PLAGL1: variants seen among roughly 807,000 people sequenced by gnomAD.
PLAGL1 encodes the protein zinc finger protein PLAGL1.
Under a neutral mutation model 4.6 loss-of-function variants are expected in PLAGL1, and 1 was observed. The ratio of observed to expected loss-of-function variants is 0.22; its 90% CI spans 0.08 to 1.03. PLAGL1 has a LOEUF of 1.03. Among genes scored for constraint, PLAGL1 ranks in the 50% least tolerant of loss-of-function variants. The pLI, the probability that PLAGL1 is intolerant of heterozygous loss-of-function variation, is 0.58. For missense variants in PLAGL1, 464 were observed against 570.4 expected, an observed-to-expected ratio of 0.81 and a Z score of 1.90; for synonymous variants, 240 against 237.8, an observed-to-expected ratio of 1.01 and a Z score of -0.08.
intron 1 of PLAGL1, among the ~76,000 whole-genome samples, chr6:144,017,856 C>T (rs1325809949): frequency 6.6e-6 from 1 of 152,206 alleles, no homozygotes; most frequent in African/African-American, 2.4e-5. Flanking sequence ...CACTCTCTCA[C>T]TCACAGGATG....
rs1784234808 is a variant in PLAGL1, at chr6:143,965,404, C to T, written c.-430-586G>A. On this transcript the variant is annotated intron_variant, in intron 4 of 7. Transcript: ENST00000674357. This position sits in a 1 kb window ranked among gnomAD's most constrained non-coding sequence, Gnocchi z 7.5. ...CTGAGAGCTCTGGCTGGGAGAACCT[C>T]ACATTCCTAAGAATCAGCAACCAAG... is the stretch of plus-strand genomic sequence containing the variant. The T allele has an allele frequency of 6.6e-6, 1 of 152,210 alleles. No individual in the cohort carries two copies. Among genetic ancestry groups the T allele is most frequent in the Non-Finnish European group, 1.5e-5 (1 of 68,064 alleles). 9.4% of individuals were successfully genotyped at this position (152,210 alleles called of 1,614,324 possible). A position where few individuals can be genotyped will look rare whatever the true frequency, so the allele number is the denominator to read the frequency against.
intron 2 of PLAGL1, among the ~76,000 whole-genome samples, chr6:143,976,285 C>CTTT (rs58569870): frequency 0.041 from 4,597 of 113,144 alleles, 221 homozygotes; most frequent in African/African-American, 0.11. Context: ...GATTTCTTTT[C>CTTT]TTTTTTTTTT....
At position 143,990,642 on chromosome 6, in the gene PLAGL1, TA is replaced by T. The variant is rs1371774596; in HGVS notation, c.-583-5469del. On this transcript the variant is annotated intron_variant, in intron 1 of 7. Coordinates refer to ENST00000674357, the MANE Select transcript of PLAGL1 (RefSeq NM_001317162.2). The surrounding 1 kb of genome is among the most constrained non-coding windows in gnomAD (Gnocchi z 5.4). ...AAAGCAATTCTTATTATCCTCATTT[TA>T]AAAACCAGGACACTGAGGCTCAAGA... is the stretch of plus-strand genomic sequence containing the variant. Among the ~76,000 whole-genome samples, 1 of 152,194 alleles carries T rather than the reference TA, an allele frequency of 6.6e-6. No homozygotes were observed. The highest frequency in any genetic ancestry group is 1.5e-5 in the Non-Finnish European group (1 of 68,040).
chr6:143,971,748 T>C lies in PLAGL1; in HGVS notation c.-543-2770A>G, dbSNP rs1273223805. ...AATTGTCAAGGGAGGTTTTGACTTT[T>C]GCTATTATTTAACATTACATCATAG... On this transcript the variant is annotated intron_variant, in intron 2 of 7. Transcript: ENST00000674357. This position sits in a 1 kb window ranked among gnomAD's most constrained non-coding sequence, Gnocchi z 4.7. 2.0e-5 allele frequency among the ~76,000 whole-genome samples: 3 copies of C among 152,238 alleles called. No individual in the cohort carries two copies. The highest frequency in any genetic ancestry group is 2.9e-5 in the Non-Finnish European group (2 of 68,044).
chr6:144,019,738 T>C (rs1482964828), intron 1 of PLAGL1, among the ~76,000 whole-genome samples: 1 of 151,454 alleles, frequency 6.6e-6, no homozygotes, highest in Non-Finnish European at 1.5e-5. Context: ...CACATTGTAC[T>C]GTTCTTCCAG....
chr6:144,026,977 C>G (rs184359685), intron 1 of PLAGL1, among the ~76,000 whole-genome samples: 11 of 151,936 alleles, frequency 7.2e-5, no homozygotes, highest in Admixed American at 3.3e-4. Context: ...TTTGGAAGGC[C>G]GAGGCAGGAG....
rs1194700244 is a variant in PLAGL1 at position 144,000,661 on chromosome 6, CAT to C, written c.-584+7427_-584+7428del. ...AACTTCATAAACAGGTACTAAAACTCATATGGAATGGGAAAGGTCTAAAATTG... is the reference window on the plus strand; with the variant it reads ...AACTTCATAAACAGGTACTAAAACTCATGGAATGGGAAAGGTCTAAAATTG... On this transcript the variant is annotated intron_variant, in intron 1 of 7. Coordinates refer to ENST00000674357, the MANE Select transcript of PLAGL1 (RefSeq NM_001317162.2). The surrounding 1 kb of genome is among the most constrained non-coding windows in gnomAD (Gnocchi z 4.1). Among the ~76,000 whole-genome samples the C allele has an allele frequency of 7.2e-5, 11 of 152,048 alleles. No homozygotes were observed. Among genetic ancestry groups the C allele is most frequent in the Non-Finnish European group, 1.5e-5 (1 of 67,948 alleles).
At chr6:144,045,617 A>G (rs908436932) in intron 1 of PLAGL1, among the ~76,000 whole-genome samples, 2 of 152,132 alleles carry the variant, frequency 1.3e-5, no homozygotes, top group East Asian at 3.9e-4. Context: ...GGCTGCCCTT[A>G]ACATTTTTTC....
chr6:144,043,533 T>C (rs533194403), intron 1 of PLAGL1, among the ~76,000 whole-genome samples: 1 of 152,342 alleles, frequency 6.6e-6, no homozygotes, highest in Admixed American at 6.5e-5. Flanking sequence ...ACCAATTTGA[T>C]CTTGGTGGAT....
chr6:144,057,296 A>G (rs1334448972), intron 1 of PLAGL1, among the ~76,000 whole-genome samples: 2 of 152,262 alleles, frequency 1.3e-5, no homozygotes, highest in African/African-American at 2.4e-5. Flanking sequence ...AACCAGCAGT[A>G]TTCTATTTAT....
rs1249199383 is a variant in PLAGL1, at chr6:144,016,400, T to C, written c.-150-47422A>G. ...CCACCAGATTAAGGGTGGATCTGCC[T>C]TCCCCAGACCACTGACTCAAATATT... On this transcript the variant is annotated intron_variant, in intron 1 of 3. Transcript: ENST00000437412. This position sits in a 1 kb window ranked among gnomAD's most constrained non-coding sequence, Gnocchi z 4.2. 6.6e-6 allele frequency among the ~76,000 whole-genome samples: 1 copy of C among 152,226 alleles called. No homozygotes were observed. The highest frequency in any genetic ancestry group is 1.5e-5 in the Non-Finnish European group (1 of 68,034).
At position 144,004,801 on chromosome 6, in the gene PLAGL1, A is replaced by T. The variant is rs1793797197; in HGVS notation, c.-584+3289T>A. On this transcript the variant is annotated intron_variant, in intron 1 of 7. Transcript: ENST00000674357. This position sits in a 1 kb window ranked among gnomAD's most constrained non-coding sequence, Gnocchi z 4.2. ...AAATCTACCTTAAAAGATGTGGGTG[A>T]TAGAGTGAGGAAGTCTAACAGAAGT... 6.6e-6 allele frequency: 1 copy of T among 152,034 alleles called. No homozygotes were observed. Among genetic ancestry groups the T allele is most frequent in the Non-Finnish European group, 1.5e-5 (1 of 67,978 alleles). The allele number at this position is 152,034 out of a possible 1,614,324, so 9.4% of individuals were successfully genotyped here.
At position 143,948,886 on chromosome 6, in the gene PLAGL1, A is replaced by G. The variant is rs1430944880; in HGVS notation, c.-324-426T>C. Among the ~76,000 whole-genome samples the G allele has an allele frequency of 6.6e-6, 1 of 152,230 alleles. No individual in the cohort carries two copies. Among genetic ancestry groups the G allele is most frequent in the African/African-American group, 2.4e-5 (1 of 41,468 alleles). On this transcript the variant is annotated intron_variant, in intron 6 of 7. Transcript: ENST00000674357. This position sits in a 1 kb window ranked among gnomAD's most constrained non-coding sequence, Gnocchi z 6.0. The stretch of plus-strand genomic sequence containing the variant: ...TTACTCAAACCACGGGCTCTTCCTC[A>G]TCACTCATTGTTGGCATAACATTAG...
In PLAGL1 at chr6:143,966,335, C is replaced by T. The variant is rs1784415462; in HGVS notation, c.-471-137G>A. The T allele has an allele frequency of 6.6e-6, 1 of 152,202 alleles. No individual in the cohort carries two copies. Among genetic ancestry groups the T allele is most frequent in the African/African-American group, 2.4e-5 (1 of 41,450 alleles). 9.4% of individuals were successfully genotyped at this position (152,202 alleles called of 1,614,324 possible). ...TCCTCCTGGATTTATCAGTTATATA[C>T]ATTAAAATGGCCAAACAGTAATTCA... On this transcript the variant is annotated intron_variant, in intron 3 of 7. Coordinates refer to ENST00000674357, the MANE Select transcript of PLAGL1 (RefSeq NM_001317162.2). The surrounding 1 kb of genome is among the most constrained non-coding windows in gnomAD (Gnocchi z 6.0).
At chr6:144,033,347 C>T (rs966425809) in intron 1 of PLAGL1, among the ~76,000 whole-genome samples, 3 of 152,140 alleles carry the variant, frequency 2.0e-5, no homozygotes, top group Non-Finnish European at 2.9e-5. Context: ...GTCAGGGCAG[C>T]AATAGAAAAC....
chr6:144,030,868 C>T (rs374857583), intron 1 of PLAGL1, among the ~76,000 whole-genome samples: 4 of 152,160 alleles, frequency 2.6e-5, no homozygotes, highest in East Asian at 3.8e-4. Context: ...AGTGGAATTG[C>T]GGATCAAATG....
intron 1 of PLAGL1, among the ~76,000 whole-genome samples, chr6:144,062,333 C>T (rs964307026): frequency 2.7e-5 from 4 of 150,940 alleles, no homozygotes; most frequent in East Asian, 3.9e-4. Context: ...ACCAAGATCA[C>T]GCCACCGCAC....
In PLAGL1 at chr6:143,985,966, TTA is replaced by T. The variant is rs1241858435; in HGVS notation, c.-583-794_-583-793del. Among the ~76,000 whole-genome samples the T allele has an allele frequency of 9.3e-6, 1 of 107,882 alleles. No individual in the cohort carries two copies. Among genetic ancestry groups the T allele is most frequent in the Non-Finnish European group, 1.9e-5 (1 of 51,650 alleles). The allele number at this position is 107,882 out of a possible 152,430, so 70.8% of individuals were successfully genotyped here. On this transcript the variant is annotated intron_variant, in intron 1 of 7. Transcript: ENST00000674357. The surrounding 1 kb of genome is among the most constrained non-coding windows in gnomAD (Gnocchi z 4.4). ...GATATATATACACATATATATCAAATTATATATATATAAAATTATATATATAT... is the reference window on the plus strand; with the variant it reads ...GATATATATACACATATATATCAAATTATATATATAAAATTATATATATAT...
At chr6:144,058,630 G>A (rs1048283807) in intron 1 of PLAGL1, among the ~76,000 whole-genome samples, 1 of 152,124 alleles carries the variant, frequency 6.6e-6, no homozygotes, top group African/African-American at 2.4e-5. Context: ...ATACAATGGT[G>A]GTACAGACAC....
Sources: allele counts gnomAD v4.1 joint callset (sites outside exome capture counted in the v4.1 genomes callset), GRCh38; gene constraint gnomAD v4.1.1; non-coding constraint Gnocchi (gnomAD v3.1); transcripts MANE v1.5; gene names NCBI Gene and HGNC (gene_info 2026-07-23, HGNC 2026-07-21).